Variants in TAF3 observed in about 807,000 individuals in gnomAD.
The protein encoded by TAF3 is transcription initiation factor TFIID subunit 3.
TAF3 carries 7 observed loss-of-function variants against 80.6 expected under a neutral mutation model. The observed-to-expected ratio is 0.09, with a 90% CI of 0.05 to 0.16. The LOEUF (loss-of-function observed/expected upper bound fraction) is 0.16. Ranked by LOEUF, TAF3 falls within the 10% of genes least tolerant of loss-of-function variation. The pLI, the probability that TAF3 is intolerant of heterozygous loss-of-function variation, is 1.00. For missense variants in TAF3, 921 were observed against 1,140.2 expected (o/e 0.81, Z 2.77); for synonymous variants, 444 against 446.1 (o/e 1.00, Z 0.06).
At chr10:8,006,224 A>ACACACACAC (rs1831992222) in intron 4 of TAF3, among the ~76,000 whole-genome samples, 1 of 140,574 alleles carries the variant, frequency 7.1e-6, no homozygotes, top group African/African-American at 2.6e-5. Context: ...ACACACACAC[A>ACACACACAC]AATTAGCTGG....
At chr10:7,933,799 T>C (rs1238435816) in intron 2 of TAF3, among the ~76,000 whole-genome samples, 1 of 152,242 alleles carries the variant, frequency 6.6e-6, no homozygotes, top group African/African-American at 2.4e-5. Flanking sequence ...TATGAAATTA[T>C]GGAAATCATC....
At chr10:7,966,990 AGTAGTT>A (rs1227622354) in intron 3 of TAF3, among the ~76,000 whole-genome samples, 1 of 152,218 alleles carries the variant, frequency 6.6e-6, no homozygotes, top group Non-Finnish European at 1.5e-5. Flanking sequence ...ATTTCTATAT[AGTAGTT>A]GTCAGGTTTT....
chr10:7,905,726 A>G (rs1184960714), intron 2 of TAF3, among the ~76,000 whole-genome samples: 1 of 151,848 alleles, frequency 6.6e-6, no homozygotes, highest in Non-Finnish European at 1.5e-5. Flanking sequence ...CTAAAAATAC[A>G]AAAAAAATTA....
chr10:7,909,793 A>G (rs1429805192), intron 2 of TAF3, among the ~76,000 whole-genome samples: 1 of 152,196 alleles, frequency 6.6e-6, no homozygotes, highest in African/African-American at 2.4e-5. Context: ...CAACAGAGCC[A>G]GGAGTTGAGC....
At chr10:7,966,555 T>C (rs1831573242) in intron 3 of TAF3, among the ~76,000 whole-genome samples, 1 of 152,214 alleles carries the variant, frequency 6.6e-6, no homozygotes, top group Non-Finnish European at 1.5e-5. Context: ...GGCTGGGTTA[T>C]TTGAAAATTT....
chr10:7,934,706 A>G (rs577749090), intron 2 of TAF3, among the ~76,000 whole-genome samples: 4 of 152,038 alleles, frequency 2.6e-5, no homozygotes, highest in African/African-American at 9.6e-5. Context: ...TGGCCTCCCA[A>G]AGTGCTGGGA....
chr10:7,961,984 G>T (rs940069906), intron 2 of TAF3, among the ~76,000 whole-genome samples: 4 of 151,970 alleles, frequency 2.6e-5, no homozygotes, highest in African/African-American at 9.7e-5. Flanking sequence ...CAGGTAGCTG[G>T]GACTACAGGC....
chr10:7,893,328 CT>C (rs1411568585), intron 2 of TAF3, among the ~76,000 whole-genome samples: 2 of 151,958 alleles, frequency 1.3e-5, no homozygotes, highest in African/African-American at 4.8e-5. Flanking sequence ...AATAGAGAAA[CT>C]TTTTTTTAAA....
chr10:7,849,469 G>A (rs1837004957), intron 2 of TAF3, among the ~76,000 whole-genome samples: 1 of 152,114 alleles, frequency 6.6e-6, no homozygotes, highest in African/African-American at 2.4e-5. Context: ...TATTGCATGG[G>A]ATGTGTGAAT....
At chr10:7,940,890 T>C (rs1837969545) in intron 2 of TAF3, among the ~76,000 whole-genome samples, 1 of 151,426 alleles carries the variant, frequency 6.6e-6, no homozygotes, top group East Asian at 1.9e-4. Context: ...ACCCAGGAGT[T>C]TGAGGCTGCA....
At chr10:7,846,069 C>T (rs1177119418) in intron 2 of TAF3, among the ~76,000 whole-genome samples, 2 of 151,722 alleles carry the variant, frequency 1.3e-5, no homozygotes, top group African/African-American at 4.8e-5. Context: ...CGCCAGTCTC[C>T]TGCCTCAGCC....
intron 2 of TAF3, among the ~76,000 whole-genome samples, chr10:7,901,929 C>A (rs772200494): frequency 4.6e-5 from 7 of 151,956 alleles, no homozygotes; most frequent in Non-Finnish European, 1.0e-4. Context: ...TATCATTTTG[C>A]CACATTGGCT....
At chr10:7,864,671 C>G (rs1837191977) in intron 2 of TAF3, among the ~76,000 whole-genome samples, 1 of 152,050 alleles carries the variant, frequency 6.6e-6, no homozygotes, top group Non-Finnish European at 1.5e-5. Flanking sequence ...TATTATTCAG[C>G]TGTGAAAGTT....
chr10:7,948,158 G>T (rs1838044486), intron 2 of TAF3, among the ~76,000 whole-genome samples: 1 of 151,574 alleles, frequency 6.6e-6, no homozygotes, highest in Non-Finnish European at 1.5e-5. Flanking sequence ...GAACTCTTAG[G>T]TTCAAGCAAT....
chr10:7,906,654 T>C (rs1043642125), intron 2 of TAF3, among the ~76,000 whole-genome samples: 3 of 151,946 alleles, frequency 2.0e-5, no homozygotes, highest in Admixed American at 6.5e-5. Context: ...CAGGAAAATA[T>C]TGAAATTTAT....
chr10:7,871,435 C>CTTTTTTTTTTTTTTTT lies in TAF3; in HGVS notation c.409+46885_409+46900dup, dbSNP rs527356726. The stretch of plus-strand genomic sequence containing the variant: ...CTAAATTGATGACAAATAACTGCTG[C>CTTTTTTTTTTTTTTTT]TTTTTTTTTTTTTTTTTTTTTTTTT... On this transcript the variant is annotated intron_variant, in intron 2 of 6. Transcript: ENST00000344293. Among the ~76,000 whole-genome samples the CTTTTTTTTTTTTTTTT allele has an allele frequency of 1.5e-3, 101 of 69,100 alleles. 9 individuals are homozygous for CTTTTTTTTTTTTTTTT. Among genetic ancestry groups the CTTTTTTTTTTTTTTTT allele is most frequent in the Admixed American group, 3.8e-3 (17 of 4,418 alleles). 45.3% of individuals were successfully genotyped at this position (69,100 alleles called of 152,430 possible).
chr10:7,939,577 T>TACACACACACAC (rs71385681), intron 2 of TAF3, among the ~76,000 whole-genome samples: 19 of 139,204 alleles, frequency 1.4e-4, no homozygotes, highest in Admixed American at 2.9e-4. Context: ...AGAAGAAAAC[T>TACACACACACAC]ACACACACAC....
intron 2 of TAF3, among the ~76,000 whole-genome samples, chr10:7,828,955 G>A (rs1038975087): frequency 3.4e-5 from 5 of 146,906 alleles, no homozygotes; most frequent in Admixed American, 2.1e-4. Context: ...ACTTGAATCC[G>A]GGAGGCAGAG....
intron 5 of TAF3, among the ~76,000 whole-genome samples, chr10:8,013,505 C>A (rs1026422349): frequency 1.3e-5 from 2 of 151,980 alleles, no homozygotes; most frequent in African/African-American, 4.8e-5. Context: ...TTAGAATATT[C>A]GTTAGAAATG....
Sources: allele counts gnomAD v4.1 joint callset (sites outside exome capture counted in the v4.1 genomes callset), GRCh38; gene constraint gnomAD v4.1.1; transcripts MANE v1.5; gene names NCBI Gene and HGNC (gene_info 2026-07-23, HGNC 2026-07-21).